SMARCC2: variants seen among roughly 807,000 people sequenced by gnomAD.
SMARCC2 encodes SWI/SNF related BAF chromatin remodeling complex subunit C2.
Under a neutral mutation model 151.3 loss-of-function variants are expected in SMARCC2, and 15 were observed. That is an observed-to-expected ratio of 0.10 (90% CI 0.07 to 0.15). The LOEUF (loss-of-function observed/expected upper bound fraction) is 0.15. SMARCC2 is among the 10% of genes least tolerant of loss of function. SMARCC2 has a pLI of 1.00. For missense variants in SMARCC2, 1,031 were observed against 1,599.7 expected, an observed-to-expected ratio of 0.64 and a Z score of 6.06; for synonymous variants, 590 against 609.5, an observed-to-expected ratio of 0.97 and a Z score of 0.47.
intron 20 of SMARCC2, chr12:56,172,223 G>A: frequency 1.8e-6 from 1 of 551,370 alleles, no homozygotes; most frequent in Non-Finnish European, 3.1e-6. Context: ...TGGGACCACA[G>A]GTGTGTGCCA....
rs965160597 is a variant in SMARCC2 at position 56,165,325 on chromosome 12, T to C, written c.3225A>G (p.Gly1075=). ...GAVPPGVPPP[G]PHGPSPFPNQ... The stretch of plus-strand genomic sequence containing the variant: ...CTGGAACATAACACTTACCATGGGG[T>C]CCAGGGGGGGGAACCCCTGGTGGGA... Residue 1075 remains glycine, a synonymous_variant, in exon 27 of 29, where the codon GGA becomes GGG. Transcript: ENST00000550164. 6.7e-7 allele frequency: 1 copy of C among 1,494,114 alleles called. No individual in the cohort carries two copies. The highest frequency in any genetic ancestry group is 1.4e-5 in the African/African-American group (1 of 70,982). 92.6% of individuals were successfully genotyped at this position (1,494,114 alleles called of 1,614,324 possible).
At position 56,165,520 on chromosome 12, in the gene SMARCC2, C is replaced by T. The variant is rs1277617158; in HGVS notation, c.3030G>A (p.Gly1010=). Residue 1010 remains glycine (G), a synonymous_variant, in exon 27 of 29, where the codon GGG becomes GGA. Coordinates refer to ENST00000550164, the MANE Select transcript of SMARCC2 (RefSeq NM_001330288.2). The stretch of plus-strand genomic sequence containing the variant: ...CAGCCAAGCCATGGACTGCGGGTGG[C>T]CCAGCAGCCCCTGTTGGGGGGATAG... ...SQPIPPTGAA[G]PPAVHGLAVA... The T allele has an allele frequency of 1.2e-6, 2 of 1,604,098 alleles. No individual in the cohort carries two copies. The highest frequency in any genetic ancestry group is 1.7e-5 in the Admixed American group (1 of 59,442).
At chr12:56,173,157 C>T (rs1874275143) in intron 17 of SMARCC2, 128 bp from the exon 18 acceptor site, 4 of 711,860 alleles carry the variant, frequency 5.6e-6, no homozygotes, top group East Asian at 2.7e-5. Context: ...GTTCCATGTT[C>T]CCTTCATGAT....
At chr12:56,186,060 C>T (rs1188247349) in intron 3 of SMARCC2, 95 bp downstream of exon 3, 2 of 918,930 alleles carry the variant, frequency 2.2e-6, no homozygotes, top group Non-Finnish European at 1.8e-6. Flanking sequence ...AATAAAGAGA[C>T]TCACAAGAAT....
At chr12:56,173,637 A>G (rs181637203) in intron 17 of SMARCC2, 59 bp downstream of exon 17, 1 of 1,480,278 alleles carries the variant, frequency 6.8e-7, no homozygotes, top group East Asian at 2.3e-5. Context: ...CAGAAAAAGA[A>G]AAGTTCAAAG....
Position 56,181,729 on chromosome 12 carries a change from A to G in SMARCC2, c.815T>C (p.Ile272Thr). The change falls in exon 9 of 29, where the codon ATT becomes ACT. Residue 272 changes from isoleucine to threonine, a missense_variant. By Grantham distance (89) the Ile-to-Thr change is moderately conservative. Transcript: ENST00000550164. Reference protein sequence around the residue: ...DKNPVSRRKKISAKTLTDEVN... With the variant: ...DKNPVSRRKKTSAKTLTDEVN... ...CTCATCTGTCAGTGTCTTGGCTGAA[A>G]TCTTCTTTCGGCGGGAGACAGGGTT... 6.2e-7 allele frequency: 1 copy of G among 1,614,160 alleles called. No individual in the cohort carries two copies. The highest frequency in any genetic ancestry group is 1.1e-5 in the South Asian group (1 of 91,080).
rs767305417 is a variant in SMARCC2 at position 56,178,962 on chromosome 12, C to A, written c.1141+35G>T. 2.5e-6 allele frequency: 4 copies of A among 1,612,054 alleles called. No homozygotes were observed. The Admixed American group carries it at 6.7e-5, about 27-fold the overall frequency. On this transcript the variant is annotated intron_variant, in intron 12 of 28. Transcript: ENST00000550164. ...CAGCTGAGCCCTCCCCTTCCCTTGG[C>A]TCTGACTGCCGTGCCCAAGAGGCTC...
At chr12:56,163,798 T>A (rs1296738010) in intron 28 of SMARCC2, 33 bp from the exon 29 acceptor site, 1 of 1,416,310 alleles carries the variant, frequency 7.1e-7, no homozygotes, top group Non-Finnish European at 9.4e-7. Flanking sequence ...TCAGTTAGAG[T>A]ACGCCGGAGA....
chr12:56,164,353 A>G lies in SMARCC2; in HGVS notation c.3611T>C (p.Ile1204Thr). The G allele has an allele frequency of 1.2e-6, 2 of 1,613,670 alleles. No individual in the cohort carries two copies. Among genetic ancestry groups the G allele is most frequent in the Non-Finnish European group, 1.7e-6 (2 of 1,179,994 alleles). The change falls in exon 28 of 29, where the codon ATT becomes ACT. Residue 1204 changes from isoleucine to threonine, a missense_variant. Coordinates refer to ENST00000550164, the MANE Select transcript of SMARCC2 (RefSeq NM_001330288.2). ...GAGGTTGCCCTGAACAGCTGCCACAATGGCAGGGCTTTGGGCTGCGGCGGA... is the reference window on the plus strand; with the variant it reads ...GAGGTTGCCCTGAACAGCTGCCACAGTGGCAGGGCTTTGGGCTGCGGCGGA... ...LGSAAAQSPA[I>T]VAAVQGNLLP...
In SMARCC2 at chr12:56,173,817, A is replaced by G. The variant is rs746964060; in HGVS notation, c.1529T>C (p.Ile510Thr). The change falls in exon 17 of 29, where the codon ATT becomes ACT. Residue 510 changes from isoleucine to threonine, a missense_variant. By Grantham distance (89) the Ile-to-Thr change is moderately conservative (BLOSUM62 -1). Coordinates refer to ENST00000550164, the MANE Select transcript of SMARCC2 (RefSeq NM_001330288.2). ...ACTCTCAGCATCCACCTGGTAGTTA[A>G]TAAGACCCCACTGTTCTAGGAAGGC... ...VHAFLEQWGL[I>T]NYQVDAESRP... 5 of 1,614,002 alleles carry G rather than the reference A, an allele frequency of 3.1e-6. No individual in the cohort carries two copies. Among genetic ancestry groups the G allele is most frequent in the South Asian group, 2.2e-5 (2 of 91,064 alleles).
Position 56,176,968 on chromosome 12 carries a change from C to T in SMARCC2, c.1382+1054G>A, listed in dbSNP as rs370360044. On this transcript the variant is annotated intron_variant, in intron 15 of 28. Coordinates refer to ENST00000550164, the MANE Select transcript of SMARCC2 (RefSeq NM_001330288.2). ...TCCCTAGTAGTTGGGATTACAGGCA[C>T]GTGCCACCACGCCCAGCTAGTTTTG... 1.4e-4 allele frequency among the ~76,000 whole-genome samples: 22 copies of T among 152,088 alleles called. No homozygotes were observed. In the East Asian group the frequency reaches 3.9e-3, roughly 27 times the overall value.
intron 5 of SMARCC2, chr12:56,184,577 C>T (rs976020963): frequency 1.9e-5 from 10 of 536,778 alleles, no homozygotes; most frequent in Middle Eastern, 4.9e-4. Context: ...TCTGAGATCA[C>T]GCAATCTCTA....
Position 56,169,829 on chromosome 12 carries a change from C to G in SMARCC2, c.2495G>C (p.Gly832Ala). 6.2e-7 allele frequency: 1 copy of G among 1,614,040 alleles called. No individual in the cohort carries two copies. The highest frequency in any genetic ancestry group is 8.5e-7 in the Non-Finnish European group (1 of 1,179,996). Residue 832 changes from glycine to alanine, a missense_variant, in exon 24 of 29, where the codon GGG becomes GCG. Transcript: ENST00000550164. ...CTCCTTCTCACTGTCGCCTTCTTTC[C>G]CTTTCTCCTCATCCTTCTTGGGAGC... ...SEAPKKDEEK[G>A]KEGDSEKESE...
intron 15 of SMARCC2, among the ~76,000 whole-genome samples, chr12:56,175,630 A>C (rs1156820943): frequency 6.6e-6 from 1 of 152,128 alleles, no homozygotes; most frequent in African/African-American, 2.4e-5. Context: ...GGTACAGTGT[A>C]AAGTTTCAGA....
rs780137959 is a variant in SMARCC2, at chr12:56,181,809, G to A, written c.735C>T (p.Thr245=). ...CATTCATCCATTCATTGAAGGTGTC[G>A]GTGTCCAGGATCCACTTTGCATGAA... is the stretch of plus-strand genomic sequence containing the variant. ...RKVHAKWILD[T]DTFNEWMNEE... is the part of the protein sequence containing the mutation. Residue 245 remains threonine (T), a synonymous_variant, in exon 9 of 29, where the codon ACC becomes ACT. Transcript: ENST00000550164. 1.4e-5 allele frequency: 23 copies of A among 1,613,916 alleles called. No homozygotes were observed. Among genetic ancestry groups the A allele is most frequent in the Non-Finnish European group, 1.6e-5 (19 of 1,179,976 alleles).
chr12:56,168,478 A>G (rs1180437425), intron 25 of SMARCC2, among the ~76,000 whole-genome samples: 2 of 151,434 alleles, frequency 1.3e-5, no homozygotes, highest in Non-Finnish European at 2.9e-5. Context: ...GGGTTCAAGC[A>G]ATTCTCGTGC....
chr12:56,182,706 C>T (rs754261707), intron 7 of SMARCC2, among the ~76,000 whole-genome samples: 19 of 150,374 alleles, frequency 1.3e-4, no homozygotes, highest in Admixed American at 6.7e-5. Flanking sequence ...ATCCTCCTGC[C>T]TTGGCTTCCC....
intron 3 of SMARCC2, 140 bp downstream of exon 3, chr12:56,186,015 C>G (rs1436319136): frequency 3.0e-6 from 2 of 671,794 alleles, no homozygotes; most frequent in African/African-American, 3.6e-5. Flanking sequence ...CAACCATCTT[C>G]CTGACGTAGT....
At chr12:56,175,185 A>G (rs112852250) in intron 15 of SMARCC2, among the ~76,000 whole-genome samples, 8,846 of 151,894 alleles carry the variant, frequency 0.058, 864 homozygotes, top group African/African-American at 0.2. Context: ...CTAATTTTGT[A>G]TTTTTAGTAG....
Sources: gnomAD v4.1 joint callset for allele counts (sites outside exome capture counted in the v4.1 genomes callset) on GRCh38, gnomAD v4.1.1 for gene constraint, MANE v1.5 for transcripts, NCBI Gene and HGNC (gene_info 2026-07-23, HGNC 2026-07-21) for gene names.